ROBO2: variants seen among roughly 807,000 people sequenced by gnomAD.
The protein encoded by ROBO2 is roundabout guidance receptor 2, also known as roundabout homolog 2.
A neutral mutation model predicts 160.8 loss-of-function variants in ROBO2; 53 were observed. That is an observed-to-expected ratio of 0.33 (90% CI 0.26 to 0.41). The LOEUF (loss-of-function observed/expected upper bound fraction) is 0.41. Ranked by LOEUF, ROBO2 falls within the 10% of genes least tolerant of loss-of-function variation. The probability of loss-of-function intolerance (pLI) is 1.00; values close to 1 mark genes in which losing one functional copy is unlikely to be tolerated. For missense variants in ROBO2, 1,577 were observed against 1,722.4 expected, an observed-to-expected ratio of 0.92 and a Z score of 1.49; for synonymous variants, 664 against 611.7, an observed-to-expected ratio of 1.09 and a Z score of -1.26.
At chr3:76,212,666 A>G (rs1356633201) in intron 2 of ROBO2, among the ~76,000 whole-genome samples, 2 of 152,098 alleles carry the variant, frequency 1.3e-5, no homozygotes, top group South Asian at 4.1e-4. Context: ...GGATTTATCC[A>G]TTTGATAATT....
chr3:76,112,541 A>G (rs1436223914), intron 2 of ROBO2, among the ~76,000 whole-genome samples: 1 of 152,062 alleles, frequency 6.6e-6, no homozygotes, highest in African/African-American at 2.4e-5. Context: ...TGTAGGTAAT[A>G]TATCTGTTGA....
chr3:77,386,095 A>C (rs897942460), intron 2 of ROBO2, among the ~76,000 whole-genome samples: 8 of 152,306 alleles, frequency 5.3e-5, no homozygotes, highest in Non-Finnish European at 1.2e-4. Context: ...TTAACAGTAC[A>C]TCCACTGCGT....
chr3:77,387,385 G>T lies in ROBO2; in HGVS notation c.389-90029G>T, dbSNP rs536320649. ...AAAAGAAAGAAAGAGAAGAAAAAAA[G>T]AACATCTAATGAAATCCTAGGAGAA... On this transcript the variant is annotated intron_variant, in intron 2 of 25. Transcript: ENST00000461745. 3.5e-4 allele frequency among the ~76,000 whole-genome samples: 52 copies of T among 150,720 alleles called. 2 individuals carry two copies. The South Asian group carries it at 0.011, about 32-fold the overall frequency.
At chr3:77,268,760 T>C (rs895917247) in intron 2 of ROBO2, among the ~76,000 whole-genome samples, 2 of 152,168 alleles carry the variant, frequency 1.3e-5, no homozygotes, top group South Asian at 2.1e-4. Context: ...TAAACTAAAG[T>C]TGAATTTTTG....
intron 2 of ROBO2, among the ~76,000 whole-genome samples, chr3:76,879,331 A>G (rs1257640438): frequency 6.6e-6 from 1 of 152,094 alleles, no homozygotes; most frequent in Non-Finnish European, 1.5e-5. Flanking sequence ...TTTCCAACTT[A>G]GTAGGTCTGG....
At chr3:77,632,558 A>T in intron 23 of ROBO2, 1 of 1,535,874 alleles carries the variant, frequency 6.5e-7, no homozygotes, top group Non-Finnish European at 8.7e-7. Flanking sequence ...AGCTCCTCAG[A>T]TGGCTCTATC....
intron 1 of ROBO2, among the ~76,000 whole-genome samples, chr3:77,091,551 C>T (rs1020149227): frequency 2.0e-5 from 3 of 152,076 alleles, no homozygotes; most frequent in Admixed American, 6.6e-5. Context: ...ATCTGGCTGA[C>T]GAACTTGATG....
chr3:76,844,653 T>C (rs1484089422), intron 2 of ROBO2, among the ~76,000 whole-genome samples: 1 of 151,954 alleles, frequency 6.6e-6, no homozygotes, highest in Non-Finnish European at 1.5e-5. Context: ...TCTCTTTAAA[T>C]ATATTTTATA....
intron 2 of ROBO2, among the ~76,000 whole-genome samples, chr3:76,052,200 C>G (rs1485044611): frequency 1.3e-5 from 2 of 152,078 alleles, no homozygotes; most frequent in Admixed American, 1.3e-4. Flanking sequence ...TAGGAAAGGA[C>G]AGGATGTCTT....
At chr3:76,073,792 A>G (rs1462038296) in intron 2 of ROBO2, among the ~76,000 whole-genome samples, 5 of 22,252 alleles carry the variant, frequency 2.2e-4, no homozygotes, top group Admixed American at 3.5e-4. Context: ...TTACCATCTT[A>G]TAAAATAAGT....
intron 2 of ROBO2, among the ~76,000 whole-genome samples, chr3:76,512,666 T>C (rs982336135): frequency 6.6e-6 from 1 of 152,174 alleles, no homozygotes; most frequent in Non-Finnish European, 1.5e-5. Context: ...GATTGTTCAA[T>C]GTACACACAC....
At chr3:75,941,840 GA>G (rs1948069182) in intron 2 of ROBO2, among the ~76,000 whole-genome samples, 3 of 152,036 alleles carry the variant, frequency 2.0e-5, no homozygotes, top group African/African-American at 7.2e-5. Flanking sequence ...TGCCATCCTG[GA>G]ATCATTACAA....
At chr3:76,831,430 A>G (rs995725619) in intron 2 of ROBO2, among the ~76,000 whole-genome samples, 7 of 152,210 alleles carry the variant, frequency 4.6e-5, no homozygotes, top group Non-Finnish European at 7.3e-5. Flanking sequence ...AAAATCTGCT[A>G]GACTATCTAA....
At chr3:76,985,575 GAAAAAAAAAAAAAAAA>G (rs532632866) in intron 2 of ROBO2, among the ~76,000 whole-genome samples, 1 of 26,358 alleles carries the variant, frequency 3.8e-5, no homozygotes. Context: ...GACTCCGTCT[GAAAAAAAAAAAAAAAA>G]AAAAAAAAAA....
chr3:76,436,422 C>T (rs1266688135), intron 2 of ROBO2, among the ~76,000 whole-genome samples: 2 of 152,200 alleles, frequency 1.3e-5, no homozygotes, highest in East Asian at 3.9e-4. Context: ...TCTGTCCAAG[C>T]ACCTGAACAG....
intron 19 of ROBO2, 147 bp from the exon 21 acceptor site, chr3:77,602,063 A>G (rs976470250): frequency 2.5e-6 from 2 of 803,888 alleles, no homozygotes; most frequent in Admixed American, 2.0e-5. Flanking sequence ...ATGGTTGTAT[A>G]TCATCTACCC....
intron 2 of ROBO2, among the ~76,000 whole-genome samples, chr3:76,090,389 G>A (rs1430308880): frequency 6.6e-6 from 1 of 152,002 alleles, no homozygotes; most frequent in Non-Finnish European, 1.5e-5. Flanking sequence ...TCATGCCACC[G>A]CACTCCAGCC....
chr3:77,296,973 G>A (rs150033277), intron 2 of ROBO2, among the ~76,000 whole-genome samples: 1 of 152,178 alleles, frequency 6.6e-6, no homozygotes, highest in African/African-American at 2.4e-5. Context: ...TGACTTATTC[G>A]TCTGTATGTA....
At chr3:77,600,445 T>A (rs916720420) in intron 19 of ROBO2, among the ~76,000 whole-genome samples, 4 of 152,180 alleles carry the variant, frequency 2.6e-5, no homozygotes, top group Admixed American at 2.6e-4. Context: ...GCCATAGCAT[T>A]AGTTGTATAG....
Sources: gnomAD v4.1 joint callset for allele counts (sites outside exome capture counted in the v4.1 genomes callset) on GRCh38, gnomAD v4.1.1 for gene constraint, MANE v1.5 for transcripts, NCBI Gene and HGNC (gene_info 2026-07-23, HGNC 2026-07-21) for gene names.